ANXA7: variants seen among roughly 807,000 people sequenced by gnomAD.
ANXA7 encodes the protein annexin VII.
In ANXA7, 55 loss-of-function variants were observed where a neutral mutation model predicts 64.9. That is an observed-to-expected ratio of 0.85 (90% confidence interval 0.68 to 1.06). The LOEUF (loss-of-function observed/expected upper bound fraction) is 1.06. Ranked by LOEUF, ANXA7 falls within the 50% of genes least tolerant of loss-of-function variation. The pLI is 0.00. For synonymous variants in ANXA7, 200 were observed against 192.4 expected, an observed-to-expected ratio of 1.04 and a Z score of -0.33; for missense variants, 548 against 582.1, an observed-to-expected ratio of 0.94 and a Z score of 0.60.
chr10:73,381,693 AAG>A, intron 9 of ANXA7: 1 of 152,302 alleles, frequency 6.6e-6, no homozygotes, highest in South Asian at 2.1e-4. Context: ...ACTCTGCATA[AAG>A]AGAGACTCAG....
At chr10:73,400,938 C>CAAA in intron 1 of ANXA7, 81 bp from the exon 2 acceptor site, 10 of 1,252,556 alleles carry the variant, frequency 8.0e-6, no homozygotes, top group African/African-American at 1.5e-5. Context: ...GACGGAGTCT[C>CAAA]ACTCTGTCAC....
intron 1 of ANXA7, among the ~76,000 whole-genome samples, chr10:73,412,099 C>T (rs1175306070): frequency 6.6e-6 from 1 of 151,776 alleles, no homozygotes; most frequent in Non-Finnish European, 1.5e-5. Context: ...TGCAGTGGCA[C>T]GATCTCAGCT....
At chr10:73,402,198 T>A (rs2055676992) in intron 1 of ANXA7, among the ~76,000 whole-genome samples, 2 of 152,094 alleles carry the variant, frequency 1.3e-5, no homozygotes, top group African/African-American at 4.8e-5. Context: ...TTATAAACTT[T>A]TTATTTTTGA....
At chr10:73,409,410 A>T (rs2055806354) in intron 1 of ANXA7, among the ~76,000 whole-genome samples, 1 of 152,222 alleles carries the variant, frequency 6.6e-6, no homozygotes, top group African/African-American at 2.4e-5. Context: ...AATCCCTTTT[A>T]TAATAGCTGC....
intron 1 of ANXA7, among the ~76,000 whole-genome samples, chr10:73,404,438 A>G (rs762879464): frequency 7.9e-5 from 12 of 152,226 alleles, no homozygotes; most frequent in African/African-American, 1.2e-4. Flanking sequence ...TAATGGTACT[A>G]TGATTTTCAT....
chr10:73,402,602 A>G (rs548597626), intron 1 of ANXA7, among the ~76,000 whole-genome samples: 36 of 152,308 alleles, frequency 2.4e-4, no homozygotes, highest in African/African-American at 7.0e-4. Flanking sequence ...AGGTTTAAAA[A>G]GTTTTTGATT....
At chr10:73,392,776 C>T (rs1456074021) in intron 5 of ANXA7, among the ~76,000 whole-genome samples, 4 of 152,136 alleles carry the variant, frequency 2.6e-5, no homozygotes, top group African/African-American at 9.7e-5. Flanking sequence ...GAAGCATTCC[C>T]TTTGAAAACT....
chr10:73,403,346 A>C (rs2132694337), intron 1 of ANXA7, among the ~76,000 whole-genome samples: 1 of 152,270 alleles, frequency 6.6e-6, no homozygotes, highest in African/African-American at 2.4e-5. Flanking sequence ...ATAATTAGCC[A>C]GGCATGGTGG....
At chr10:73,410,729 C>G (rs1160071701) in intron 1 of ANXA7, among the ~76,000 whole-genome samples, 1 of 148,522 alleles carries the variant, frequency 6.7e-6, no homozygotes, top group Admixed American at 6.9e-5. Flanking sequence ...TTGGGGTGAG[C>G]TGAGATCACG....
intron 1 of ANXA7, among the ~76,000 whole-genome samples, chr10:73,403,056 C>A (rs1476653453): frequency 1.3e-5 from 2 of 152,186 alleles, no homozygotes; most frequent in African/African-American, 4.8e-5. Flanking sequence ...AACTACTGAC[C>A]TGGTGATCCA....
At chr10:73,405,953 T>G (rs2055749923) in intron 1 of ANXA7, among the ~76,000 whole-genome samples, 1 of 150,478 alleles carries the variant, frequency 6.6e-6, no homozygotes, top group Admixed American at 6.6e-5. Flanking sequence ...CCCAGTATTT[T>G]TCTCTTCTTT....
intron 2 of ANXA7, among the ~76,000 whole-genome samples, chr10:73,400,254 A>G (rs1171110730): frequency 6.6e-6 from 1 of 152,174 alleles, no homozygotes; most frequent in Non-Finnish European, 1.5e-5. Context: ...TTAGTAGCAC[A>G]TTTATAAAAC....
chr10:73,396,602 T>G lies in ANXA7; in HGVS notation c.371-19A>C. The G allele has an allele frequency of 2.6e-6, 4 of 1,518,168 alleles. No individual in the cohort carries two copies. Among genetic ancestry groups the G allele is most frequent in the Non-Finnish European group, 3.6e-6 (4 of 1,102,714 alleles). The allele number at this position is 1,518,168 out of a possible 1,614,324, so 94.0% of individuals were successfully genotyped here. On this transcript the variant is annotated intron_variant, in intron 4 of 12. Coordinates refer to ENST00000372921, the MANE Select transcript of ANXA7 (RefSeq NM_001156.5). The stretch of plus-strand genomic sequence containing the variant: ...AAGCCACCTATAATGTTAAAAAAAA[T>G]AATAATAATACGGCAACAGGTCTTA...
intron 2 of ANXA7, among the ~76,000 whole-genome samples, chr10:73,399,015 T>C (rs562351772): frequency 3.9e-4 from 60 of 152,240 alleles, no homozygotes; most frequent in Middle Eastern, 6.8e-3. Flanking sequence ...TAAATGAACA[T>C]AGACAAAAGT....
intron 1 of ANXA7, among the ~76,000 whole-genome samples, chr10:73,413,166 G>T (rs2055871217): frequency 6.6e-6 from 1 of 151,198 alleles, no homozygotes; most frequent in Non-Finnish European, 1.5e-5. Context: ...AGGACTGAAA[G>T]ACAGTCCTCA....
At chr10:73,407,753 A>T (rs2055781172) in intron 1 of ANXA7, among the ~76,000 whole-genome samples, 1 of 152,250 alleles carries the variant, frequency 6.6e-6, no homozygotes, top group African/African-American at 2.4e-5. Flanking sequence ...CAGTATAGGA[A>T]AATGAGATAA....
At chr10:73,389,521 G>A (rs2055435426) in intron 5 of ANXA7, among the ~76,000 whole-genome samples, 1 of 152,044 alleles carries the variant, frequency 6.6e-6, no homozygotes, top group Non-Finnish European at 1.5e-5. Context: ...TGAGTAAAGG[G>A]TATATACAAA....
chr10:73,383,949 G>C (rs1217000160), intron 7 of ANXA7, among the ~76,000 whole-genome samples: 1 of 151,992 alleles, frequency 6.6e-6, no homozygotes, highest in Non-Finnish European at 1.5e-5. Flanking sequence ...GTGAAACCCT[G>C]TCTCTACTAA....
At chr10:73,381,480 A>G (rs2055274186) in intron 9 of ANXA7, 1 of 152,176 alleles carries the variant, frequency 6.6e-6, no homozygotes, top group Admixed American at 6.5e-5. Flanking sequence ...AGATGGAAAA[A>G]TCCTCCTTGA....
Sources: allele counts gnomAD v4.1 joint callset (sites outside exome capture counted in the v4.1 genomes callset), GRCh38; gene constraint gnomAD v4.1.1; transcripts MANE v1.5; gene names NCBI Gene and HGNC (gene_info 2026-07-23, HGNC 2026-07-21).